Variants in RORA observed in about 807,000 individuals in gnomAD.
The protein encoded by RORA is RAR related orphan receptor A.
RORA carries 7 observed loss-of-function variants against 69.5 expected under a neutral mutation model. The observed-to-expected ratio is 0.10, with a 90% CI of 0.06 to 0.19. The LOEUF (loss-of-function observed/expected upper bound fraction) is 0.19. Ranked by LOEUF, RORA falls within the 10% of genes least tolerant of loss-of-function variation. The pLI is 1.00. For synonymous variants in RORA, 261 were observed against 240.8 expected, an observed-to-expected ratio of 1.08 and a Z score of -0.78; for missense variants, 457 against 663.0, an observed-to-expected ratio of 0.69 and a Z score of 3.41.
At chr15:61,169,967 AG>A (rs2079571380) in intron 1 of RORA, among the ~76,000 whole-genome samples, 1 of 152,150 alleles carries the variant, frequency 6.6e-6, no homozygotes, top group Non-Finnish European at 1.5e-5. Context: ...CTACTCCCAG[AG>A]GCACCGTGTC....
At chr15:60,592,665 G>A (rs1209256788) in intron 2 of RORA, 1 of 1,086,882 alleles carries the variant, frequency 9.2e-7, no homozygotes. Context: ...GGAGGCAGGC[G>A]CGCCCCAGCG....
intron 2 of RORA, among the ~76,000 whole-genome samples, chr15:60,562,997 C>T (rs1050661427): frequency 6.6e-6 from 1 of 152,284 alleles, no homozygotes; most frequent in Non-Finnish European, 1.5e-5. Context: ...CAACTTCAAT[C>T]TATTCTCCCA....
intron 1 of RORA, among the ~76,000 whole-genome samples, chr15:61,065,635 T>A (rs1595938461): frequency 6.6e-6 from 1 of 152,108 alleles, no homozygotes; most frequent in African/African-American, 2.4e-5. Flanking sequence ...TGGGGCAGAG[T>A]GGGATACCTG....
At chr15:60,808,219 G>T (rs1012828436) in intron 1 of RORA, among the ~76,000 whole-genome samples, 1 of 151,718 alleles carries the variant, frequency 6.6e-6, no homozygotes, top group Non-Finnish European at 1.5e-5. Context: ...AAATGAGCAA[G>T]AAAAAAACAA....
chr15:60,591,772 C>T (rs909893825), intron 2 of RORA, among the ~76,000 whole-genome samples: 1 of 152,144 alleles, frequency 6.6e-6, no homozygotes, highest in East Asian at 1.9e-4. Context: ...CTCCGGCCCG[C>T]GCGCTTTCGG....
At chr15:60,728,277 A>G (rs1021825124) in intron 1 of RORA, among the ~76,000 whole-genome samples, 13 of 152,174 alleles carry the variant, frequency 8.5e-5, no homozygotes, top group African/African-American at 2.7e-4. Context: ...TGTAAACAGA[A>G]TCCATAACCA....
intron 1 of RORA, among the ~76,000 whole-genome samples, chr15:60,837,483 C>T (rs564017407): frequency 2.0e-5 from 3 of 152,320 alleles, no homozygotes; most frequent in South Asian, 2.1e-4. Flanking sequence ...TCCTTGCACA[C>T]GTCAATACAG....
chr15:60,797,784 C>A (rs1299922795), intron 1 of RORA, among the ~76,000 whole-genome samples: 1 of 152,078 alleles, frequency 6.6e-6, no homozygotes, highest in Non-Finnish European at 1.5e-5. Context: ...GCTCATCGAG[C>A]AATTGCCAGC....
intron 1 of RORA, among the ~76,000 whole-genome samples, chr15:60,701,812 T>A (rs2070986213): frequency 6.6e-6 from 1 of 152,132 alleles, no homozygotes; most frequent in African/African-American, 2.4e-5. Context: ...GGAAGAGTGA[T>A]GAGGCAGTGT....
intron 2 of RORA, among the ~76,000 whole-genome samples, chr15:60,535,191 C>T (rs370939694): frequency 1.2e-4 from 18 of 152,332 alleles, no homozygotes; most frequent in African/African-American, 3.6e-4. Context: ...GACAGCACTA[C>T]TGTCAACGTT....
intron 1 of RORA, among the ~76,000 whole-genome samples, chr15:61,113,702 T>C (rs749193902): frequency 5.9e-5 from 9 of 152,216 alleles, no homozygotes; most frequent in Non-Finnish European, 1.3e-4. Context: ...CACGCACGTG[T>C]GCACACATGC....
At chr15:60,581,051 G>A (rs905668448) in intron 2 of RORA, among the ~76,000 whole-genome samples, 3 of 152,216 alleles carry the variant, frequency 2.0e-5, no homozygotes, top group Non-Finnish European at 4.4e-5. Flanking sequence ...GGCATCTTCA[G>A]ATGGCTGGTA....
chr15:61,185,191 T>C (rs1197485983), intron 1 of RORA, among the ~76,000 whole-genome samples: 3 of 152,102 alleles, frequency 2.0e-5, no homozygotes, highest in Non-Finnish European at 4.4e-5. Context: ...TGTGTCCCTC[T>C]GTAAATGAGG....
chr15:60,539,315 C>T (rs1373066117), intron 2 of RORA, among the ~76,000 whole-genome samples: 1 of 152,144 alleles, frequency 6.6e-6, no homozygotes, highest in Non-Finnish European at 1.5e-5. Flanking sequence ...AATATATTTC[C>T]ATCCCTACTA....
intron 1 of RORA, among the ~76,000 whole-genome samples, chr15:61,096,123 C>T (rs1222664330): frequency 1.3e-5 from 2 of 152,172 alleles, no homozygotes; most frequent in Non-Finnish European, 2.9e-5. Flanking sequence ...GAAGGCAAGA[C>T]CCCATGCGGA....
At chr15:61,029,695 G>A (rs1036116726) in intron 1 of RORA, among the ~76,000 whole-genome samples, 3 of 152,090 alleles carry the variant, frequency 2.0e-5, no homozygotes, top group Non-Finnish European at 4.4e-5. Context: ...GTAAAGAAGG[G>A]GAAAGAATTC....
intron 1 of RORA, among the ~76,000 whole-genome samples, chr15:61,037,127 T>C (rs1896497036): frequency 6.6e-6 from 1 of 152,192 alleles, no homozygotes; most frequent in African/African-American, 2.4e-5. Flanking sequence ...AAATAAACAC[T>C]CTGTGCTTCA....
chr15:60,794,414 T>G (rs535592663), intron 1 of RORA, among the ~76,000 whole-genome samples: 103 of 152,334 alleles, frequency 6.8e-4, no homozygotes, highest in African/African-American at 2.3e-3. Flanking sequence ...CACCTGTGTT[T>G]TCAAATGGCT....
intron 1 of RORA, among the ~76,000 whole-genome samples, chr15:61,068,819 A>G (rs1566972881): frequency 6.6e-6 from 1 of 152,246 alleles, no homozygotes; most frequent in Admixed American, 6.5e-5. Flanking sequence ...GCACACAAGC[A>G]GTTAAAACCA....
Sources: allele counts gnomAD v4.1 joint callset (sites outside exome capture counted in the v4.1 genomes callset), GRCh38; gene constraint gnomAD v4.1.1; transcripts MANE v1.5; gene names NCBI Gene and HGNC (gene_info 2026-07-23, HGNC 2026-07-21).